LRBA: variants seen among roughly 807,000 people sequenced by gnomAD.
LRBA encodes lipopolysaccharide-responsive and beige-like anchor protein.
Under a neutral mutation model 330.0 loss-of-function variants are expected in LRBA, and 176 were observed. That is an observed-to-expected ratio of 0.53 (90% CI 0.47 to 0.60). LRBA has a LOEUF of 0.60. Ranked by LOEUF, LRBA falls within the 20% of genes least tolerant of loss-of-function variation. The pLI is 0.00. For synonymous variants in LRBA, 1,230 were observed against 1,193.0 expected (o/e 1.03, Z -0.64); for missense variants, 3,259 against 3,444.8 (o/e 0.95, Z 1.35).
At chr4:150,757,226 C>T (rs964655258) in intron 35 of LRBA, among the ~76,000 whole-genome samples, 1 of 152,086 alleles carries the variant, frequency 6.6e-6, no homozygotes, top group Non-Finnish European at 1.5e-5. Flanking sequence ...TTAAAAATAT[C>T]TTATTAAACA....
chr4:150,828,578 C>A lies in LRBA; in HGVS notation c.4773G>T (p.Val1591=). ...CAGATGATGTGCTTTCAGATTCTTC[C>A]ACTGATGCCGTAGTTAAAGTGCTGA... is the stretch of plus-strand genomic sequence containing the variant. The part of the protein sequence containing the change: ...AAFSTLTTAS[V]EESESTSSAR... Residue 1591 remains valine (V), a synonymous_variant, in exon 30 of 57, where the codon GTG becomes GTT. Transcript: ENST00000651943. 6.2e-7 allele frequency: 1 copy of A among 1,614,028 alleles called. No homozygotes were observed.
intron 40 of LRBA, among the ~76,000 whole-genome samples, chr4:150,504,593 G>A (rs1417241062): frequency 6.6e-6 from 1 of 152,210 alleles, no homozygotes; most frequent in South Asian, 2.1e-4. Flanking sequence ...CCTGAAGGAA[G>A]CATTAAACAT....
intron 17 of LRBA, among the ~76,000 whole-genome samples, chr4:150,873,790 T>G (rs1426071414): frequency 6.6e-6 from 1 of 151,708 alleles, no homozygotes; most frequent in Non-Finnish European, 1.5e-5. Context: ...AAAATTTTGG[T>G]GTTTAGTAAG....
chr4:150,340,601 T>C (rs1322478163), intron 48 of LRBA, among the ~76,000 whole-genome samples: 2 of 152,094 alleles, frequency 1.3e-5, no homozygotes, highest in Admixed American at 6.5e-5. Flanking sequence ...TCCCAAAGCA[T>C]TGGAATTACA....
chr4:150,375,713 G>C (rs1031319954), intron 47 of LRBA, among the ~76,000 whole-genome samples: 4 of 151,302 alleles, frequency 2.6e-5, no homozygotes, highest in African/African-American at 9.7e-5. Flanking sequence ...GCCTCACAAA[G>C]TGCTGGGATT....
chr4:150,602,540 A>AGT (rs1774223944), intron 37 of LRBA, among the ~76,000 whole-genome samples: 1 of 152,138 alleles, frequency 6.6e-6, no homozygotes, highest in Admixed American at 6.6e-5. Flanking sequence ...TGCTCCCTCC[A>AGT]ACAACACATA....
intron 40 of LRBA, among the ~76,000 whole-genome samples, chr4:150,561,682 A>G (rs1038565657): frequency 1.3e-5 from 2 of 152,236 alleles, no homozygotes; most frequent in African/African-American, 4.8e-5. Flanking sequence ...AAGAGAATGC[A>G]GTCCTGCCAA....
chr4:150,726,395 A>T lies in LRBA; in HGVS notation c.5754+8863T>A, dbSNP rs114186418. Among the ~76,000 whole-genome samples, 635 of 152,362 alleles carry T rather than the reference A, an allele frequency of 4.2e-3. 3 individuals carry two copies. The highest frequency in any genetic ancestry group is 0.015 in the African/African-American group (614 of 41,592). On this transcript the variant is annotated intron_variant, in intron 36 of 56. Transcript: ENST00000651943. ...CAAGACAAAAATTGTAAAAAGAGAC[A>T]AAGACGGTCATTATATAGTGATAAA...
chr4:150,664,337 T>C (rs1781383589), intron 37 of LRBA, among the ~76,000 whole-genome samples: 1 of 152,200 alleles, frequency 6.6e-6, no homozygotes, highest in Non-Finnish European at 1.5e-5. Context: ...CCCTTGAGTT[T>C]TCTCTTTTCA....
At chr4:150,560,325 CAT>C (rs1768155596) in intron 40 of LRBA, among the ~76,000 whole-genome samples, 1 of 151,946 alleles carries the variant, frequency 6.6e-6, no homozygotes, top group South Asian at 2.1e-4. Flanking sequence ...TTTTAAAAAA[CAT>C]GTGATCCTTG....
At chr4:150,558,698 C>A (rs1167456739) in intron 40 of LRBA, among the ~76,000 whole-genome samples, 2 of 152,154 alleles carry the variant, frequency 1.3e-5, no homozygotes, top group Non-Finnish European at 2.9e-5. Flanking sequence ...GTCATTACTT[C>A]TAGACACCCT....
chr4:150,370,419 G>T (rs1217775607), intron 47 of LRBA, among the ~76,000 whole-genome samples: 3 of 152,140 alleles, frequency 2.0e-5, no homozygotes, highest in South Asian at 2.1e-4. Context: ...GCTACTAAAT[G>T]AAAGAAGCCA....
intron 40 of LRBA, among the ~76,000 whole-genome samples, chr4:150,520,898 G>A (rs990365285): frequency 6.6e-6 from 1 of 152,102 alleles, no homozygotes. Context: ...ATAATAATAT[G>A]TACACCAACC....
chr4:150,743,498 G>A lies in LRBA; in HGVS notation c.5646-8132C>T, dbSNP rs1732287797. Among the ~76,000 whole-genome samples, 3 of 152,166 alleles carry A rather than the reference G, an allele frequency of 2.0e-5. No homozygotes were observed. The South Asian group carries it at 6.2e-4, about 32-fold the overall frequency. On this transcript the variant is annotated intron_variant, in intron 35 of 56. Transcript: ENST00000651943. ...ACCTGAGGAATATTATGAACAATAT[G>A]AGCTTGGGGAACATATAAAAGAAAA... is the stretch of plus-strand genomic sequence containing the variant.
intron 49 of LRBA, among the ~76,000 whole-genome samples, chr4:150,322,761 C>T (rs1330073705): frequency 6.6e-6 from 1 of 152,176 alleles, no homozygotes; most frequent in African/African-American, 2.4e-5. Context: ...TGAGTTAATC[C>T]TCCCTGGATG....
intron 31 of LRBA, among the ~76,000 whole-genome samples, chr4:150,809,365 G>C (rs1047019104): frequency 1.3e-5 from 2 of 152,266 alleles, no homozygotes; most frequent in South Asian, 2.1e-4. Flanking sequence ...GCTGATTCAA[G>C]ATCTGTGTAA....
Position 150,448,501 on chromosome 4 carries a change from T to C in LRBA, c.6781-11637A>G, listed in dbSNP as rs1276262308. ...GCATGGGAGGAAGAGGTAGTCAACA[T>C]AAAAGTAGGTAAGAAGAAGGCCGGG... On this transcript the variant is annotated intron_variant, in intron 44 of 56. Transcript: ENST00000651943. Among the ~76,000 whole-genome samples the C allele has an allele frequency of 2.0e-5, 3 of 151,920 alleles. No individual in the cohort carries two copies. In the East Asian group the frequency reaches 5.8e-4, roughly 30 times the overall value.
chr4:150,764,421 T>TG (rs1735486683), intron 34 of LRBA, among the ~76,000 whole-genome samples: 1 of 151,922 alleles, frequency 6.6e-6, no homozygotes, highest in African/African-American at 2.4e-5. Context: ...CAAAAAATCC[T>TG]GGAATAAGCA....
intron 13 of LRBA, among the ~76,000 whole-genome samples, chr4:150,902,239 T>C (rs1366798774): frequency 6.6e-6 from 1 of 152,152 alleles, no homozygotes; most frequent in Non-Finnish European, 1.5e-5. Flanking sequence ...AGATGAGTAG[T>C]AGAATAGACA....
Sources: gnomAD v4.1 joint callset for allele counts (sites outside exome capture counted in the v4.1 genomes callset) on GRCh38, gnomAD v4.1.1 for gene constraint, MANE v1.5 for transcripts, NCBI Gene and HGNC (gene_info 2026-07-23, HGNC 2026-07-21) for gene names.